The following ZBTB11 variants were observed in gnomAD, a reference collection of about 807,000 sequenced individuals.
ZBTB11 encodes zinc finger and BTB domain containing 11.
In ZBTB11, 68 loss-of-function variants were observed where a neutral mutation model predicts 113.1. The observed-to-expected ratio is 0.60, with a 90% CI of 0.49 to 0.74. The LOEUF (loss-of-function observed/expected upper bound fraction) is 0.74, where lower values mean the gene tolerates loss of function less well. Among genes scored for constraint, ZBTB11 ranks in the 30% least tolerant of loss-of-function variants. The pLI, the probability that ZBTB11 is intolerant of heterozygous loss-of-function variation, is 0.00. For missense variants in ZBTB11, 1,104 were observed against 1,279.4 expected, an observed-to-expected ratio of 0.86 and a Z score of 2.09; for synonymous variants, 518 against 452.6, an observed-to-expected ratio of 1.14 and a Z score of -1.83.
rs1484763904 is a variant in ZBTB11 at position 101,671,996 on chromosome 3, G to C, written c.528C>G (p.Ser176=). 1.2e-6 allele frequency: 2 copies of C among 1,613,858 alleles called. No individual in the cohort carries two copies. The highest frequency in any genetic ancestry group is 1.7e-6 in the Non-Finnish European group (2 of 1,179,766). Residue 176 remains serine, a synonymous_variant, in exon 2 of 11, where the codon TCC becomes TCG. Transcript: ENST00000312938. ...ASKPAKKKPV[S]KHELVFVDTK... ...CACTTACAAACACAAGTTCATGTTT[G>C]GATACTGGCTTCTTTTTTGCAGGCT...
intron 3 of ZBTB11, among the ~76,000 whole-genome samples, chr3:101,667,723 G>T (rs974198119): frequency 5.9e-5 from 9 of 152,020 alleles, no homozygotes; most frequent in Non-Finnish European, 1.3e-4. Context: ...GTGCAATGGC[G>T]TGATCTTGGC....
At chr3:101,651,771 A>ATTT (rs1936707702) in intron 10 of ZBTB11, 88 bp from the exon 11 acceptor site, 1 of 1,337,358 alleles carries the variant, frequency 7.5e-7, no homozygotes, top group Non-Finnish European at 9.9e-7. Context: ...TTTATTAAAA[A>ATTT]GTACAGTAGC....
chr3:101,668,991 G>A (rs1203704987), intron 3 of ZBTB11, among the ~76,000 whole-genome samples: 1 of 151,980 alleles, frequency 6.6e-6, no homozygotes, highest in Non-Finnish European at 1.5e-5. Context: ...AAAATCCAGG[G>A]GTACGGCAGA....
At chr3:101,664,245 T>C (rs1230284771) in intron 5 of ZBTB11, among the ~76,000 whole-genome samples, 1 of 152,242 alleles carries the variant, frequency 6.6e-6, no homozygotes, top group Non-Finnish European at 1.5e-5. Flanking sequence ...CATCTATTTA[T>C]TTGTATCCAG....
chr3:101,663,793 G>A (rs1936933194), intron 5 of ZBTB11, among the ~76,000 whole-genome samples: 1 of 152,250 alleles, frequency 6.6e-6, no homozygotes, highest in Admixed American at 6.5e-5. Flanking sequence ...AGGAGGCTGA[G>A]GCAGGAGAAT....
chr3:101,652,539 G>C lies in ZBTB11; in HGVS notation c.2601C>G (p.Phe867Leu). The part of the protein sequence containing the change: ...ERVCEKCGRK[F>L]TQLREYRRHM... ...GTCTCCTATACTCTCTTAGCTGAGT[G>C]AATTTTCTTCCACATTTTTCACACA... The change falls in exon 10 of 11, where the codon TTC (phenylalanine) becomes TTG (leucine). Residue 867 changes from phenylalanine (F) to leucine (L), a missense_variant. Phe to Leu is a conservative substitution (Grantham distance 22). This residue lies in a region of ZBTB11 where 148 missense variants were observed against 259.3 expected (regional missense o/e 0.57). Transcript: ENST00000312938. 1.2e-6 allele frequency: 2 copies of C among 1,614,178 alleles called. No individual in the cohort carries two copies. Among genetic ancestry groups the C allele is most frequent in the Non-Finnish European group, 1.7e-6 (2 of 1,180,014 alleles).
intron 1 of ZBTB11, among the ~76,000 whole-genome samples, chr3:101,673,642 T>C (rs1406464875): frequency 1.3e-5 from 2 of 151,758 alleles, no homozygotes; most frequent in Non-Finnish European, 2.9e-5. Context: ...GCCTCCCGAG[T>C]AGCTGGGATT....
intron 6 of ZBTB11, among the ~76,000 whole-genome samples, chr3:101,656,845 A>C (rs1936806421): frequency 6.6e-6 from 1 of 152,092 alleles, no homozygotes; most frequent in African/African-American, 2.4e-5. Flanking sequence ...TTGGTATTTA[A>C]ATTTATGGCC....
intron 8 of ZBTB11, among the ~76,000 whole-genome samples, chr3:101,653,205 C>T (rs1278237938): frequency 1.3e-5 from 2 of 152,174 alleles, no homozygotes; most frequent in Non-Finnish European, 2.9e-5. Flanking sequence ...TAAATTACCC[C>T]ACTTTGAGAT....
intron 6 of ZBTB11, among the ~76,000 whole-genome samples, chr3:101,657,802 T>C (rs976245436): frequency 5.3e-5 from 8 of 151,618 alleles, no homozygotes; most frequent in Non-Finnish European, 1.0e-4. Context: ...CTGGGCAATA[T>C]AGCAAGATCT....
Position 101,664,993 on chromosome 3 carries a change from T to C in ZBTB11, c.1594A>G (p.Lys532Glu). Residue 532 changes from lysine (K) to glutamate (E), a missense_variant, in exon 4 of 11, where the codon AAA (lysine) becomes GAA (glutamate). By Grantham distance (56) the Lys-to-Glu change is moderately conservative. Around this residue, in one of 5 missense-constraint regions of ZBTB11, gnomAD observed 535 missense variants for 518.6 expected, o/e 1.03. Transcript: ENST00000312938. ...TGAACTGCTGACTTGGGAACGGCTT[T>C]CCGTTTCTGCAGCTTTTTCTCCATT... is the stretch of plus-strand genomic sequence containing the variant. ...KGMEKKLQKRKAVPKSAVQQV... is the reference protein window; with the variant it reads ...KGMEKKLQKREAVPKSAVQQV... 2 of 1,612,432 alleles carry C rather than the reference T, an allele frequency of 1.2e-6. No homozygotes were observed. Among genetic ancestry groups the C allele is most frequent in the Non-Finnish European group, 1.7e-6 (2 of 1,178,948 alleles).
chr3:101,676,569 C>T, intron 1 of ZBTB11, 36 bp downstream of exon 1: 2 of 1,451,468 alleles, frequency 1.4e-6, no homozygotes, highest in Non-Finnish European at 1.8e-6. Context: ...GGCAACGAGT[C>T]GCCAGCCCGC....
intron 3 of ZBTB11, among the ~76,000 whole-genome samples, chr3:101,668,763 CCATA>C (rs1479115044): frequency 6.6e-6 from 1 of 152,002 alleles, no homozygotes; most frequent in African/African-American, 2.4e-5. Flanking sequence ...ATTTTGTACA[CCATA>C]AATATGTACA....
In ZBTB11 at chr3:101,676,884, G is replaced by A. The variant is rs1257276003; in HGVS notation, c.31C>T (p.Leu11=). ...TCGCGCTCGTTCGTCAGGTAACGCAGGATGGCCCGGTAGCTTTCCTCGCTT... is the reference window on the plus strand; with the variant it reads ...TCGCGCTCGTTCGTCAGGTAACGCAAGATGGCCCGGTAGCTTTCCTCGCTT... MSSEESYRAI[L]RYLTNEREPY... The change falls in exon 1 of 11, where the codon CTG becomes TTG. Residue 11 remains leucine (L), a synonymous_variant. Coordinates refer to ENST00000312938, the MANE Select transcript of ZBTB11 (RefSeq NM_014415.4). The A allele has an allele frequency of 1.9e-6, 3 of 1,597,432 alleles. No individual in the cohort carries two copies. Among genetic ancestry groups the A allele is most frequent in the African/African-American group, 2.7e-5 (2 of 74,372 alleles).
In ZBTB11 at chr3:101,677,078, A is replaced by T. The variant is rs770282742; in HGVS notation, c.-164T>A. 3.8e-5 allele frequency: 29 copies of T among 773,066 alleles called. No homozygotes were observed. Among genetic ancestry groups the T allele is most frequent in the Non-Finnish European group, 5.4e-5 (28 of 514,676 alleles). 47.9% of individuals were successfully genotyped at this position (773,066 alleles called of 1,614,324 possible). The stretch of plus-strand genomic sequence containing the variant: ...CCTTAGTCCGAAGGAAAAGCGGGCG[A>T]GTTGGTAACCAGGGGGAACTGCACT... On this transcript the variant is annotated 5_prime_UTR_variant, in exon 1 of 11. Transcript: ENST00000312938.
intron 1 of ZBTB11, among the ~76,000 whole-genome samples, chr3:101,674,813 CAG>C: frequency 1.3e-5 from 2 of 151,706 alleles, no homozygotes; most frequent in South Asian, 2.1e-4. Context: ...GAATCACTCA[CAG>C]ATAATGAACT....
chr3:101,658,465 G>A (rs866657436), intron 6 of ZBTB11, among the ~76,000 whole-genome samples: 16 of 151,876 alleles, frequency 1.1e-4, no homozygotes, highest in African/African-American at 2.7e-4. Context: ...CTTGTGATCC[G>A]CCTGCCTCGG....
At position 101,664,953 on chromosome 3, in the gene ZBTB11, T is replaced by C. The variant is rs763651982; in HGVS notation, c.1623+11A>G. On this transcript the variant is annotated intron_variant, in intron 4 of 10. Transcript: ENST00000312938. ...CTAAAACTACAAAGGTCAACCCTTC[T>C]TACATCATACCTGTTGAACTGCTGA... 4 of 1,598,422 alleles carry C rather than the reference T, an allele frequency of 2.5e-6. No homozygotes were observed. Among genetic ancestry groups the C allele is most frequent in the Non-Finnish European group, 3.4e-6 (4 of 1,171,914 alleles).
At chr3:101,657,710 C>G (rs780133215) in intron 6 of ZBTB11, among the ~76,000 whole-genome samples, 1 of 151,928 alleles carries the variant, frequency 6.6e-6, no homozygotes, top group Non-Finnish European at 1.5e-5. Flanking sequence ...GGAGGCCAGG[C>G]ACAGTGGCTT....
Sources: gnomAD v4.1 joint callset for allele counts (sites outside exome capture counted in the v4.1 genomes callset) on GRCh38, gnomAD v4.1.1 for gene constraint, gnomAD v4.1.1 regional missense constraint, MANE v1.5 for transcripts, NCBI Gene and HGNC (gene_info 2026-07-23, HGNC 2026-07-21) for gene names.